CHRNA7: variants seen among roughly 807,000 people sequenced by gnomAD.
CHRNA7 encodes the protein neuronal acetylcholine receptor subunit alpha-7.
In CHRNA7, 17 loss-of-function variants were observed where a neutral mutation model predicts 48.0. That is an observed-to-expected ratio of 0.35 (90% CI 0.24 to 0.53). The LOEUF (loss-of-function observed/expected upper bound fraction) is 0.53. CHRNA7 is among the 20% of genes least tolerant of loss of function. The probability of loss-of-function intolerance (pLI) is 0.92; values close to 1 mark genes in which losing one functional copy is unlikely to be tolerated. For synonymous variants in CHRNA7, 75 were observed against 242.3 expected (o/e 0.31, Z 6.41); for missense variants, 155 against 577.7 (o/e 0.27, Z 7.50).
At chr15:32,030,871 C>T (rs1458357367) in intron 1 of CHRNA7, 27 bp from the exon 2 acceptor site, 2 of 1,610,834 alleles carry the variant, frequency 1.2e-6, no homozygotes, top group South Asian at 1.1e-5. Flanking sequence ...TGCCCTGAGC[C>T]CCCTGCCCGG....
intron 4 of CHRNA7, among the ~76,000 whole-genome samples, chr15:32,143,178 A>T (rs1473330193): frequency 6.6e-6 from 1 of 152,054 alleles, no homozygotes; most frequent in Non-Finnish European, 1.5e-5. Context: ...TTCGTTATTT[A>T]CCCAGTAGTC....
chr15:32,079,021 C>T (rs1009989404), intron 2 of CHRNA7, among the ~76,000 whole-genome samples: 7 of 152,108 alleles, frequency 4.6e-5, no homozygotes, highest in East Asian at 1.9e-4. Flanking sequence ...AAATGTAGTT[C>T]GTCACATACA....
chr15:32,058,664 T>C (rs1243528145), intron 2 of CHRNA7, among the ~76,000 whole-genome samples: 1 of 152,206 alleles, frequency 6.6e-6, no homozygotes, highest in African/African-American at 2.4e-5. Flanking sequence ...ATTTCAGAAA[T>C]GCCACTCTTT....
At chr15:32,076,326 T>A (rs1309325654) in intron 2 of CHRNA7, among the ~76,000 whole-genome samples, 6 of 152,180 alleles carry the variant, frequency 3.9e-5, no homozygotes, top group African/African-American at 1.4e-4. Context: ...AGTTTTGTCA[T>A]CTATGTGTTT....
At chr15:32,031,588 G>A (rs1320361065) in intron 2 of CHRNA7, among the ~76,000 whole-genome samples, 1 of 152,194 alleles carries the variant, frequency 6.6e-6, no homozygotes, top group Non-Finnish European at 1.5e-5. Context: ...TGCCTTCCTG[G>A]TGAGGACAGG....
chr15:32,041,747 C>T (rs1566796043), intron 2 of CHRNA7, among the ~76,000 whole-genome samples: 2 of 152,262 alleles, frequency 1.3e-5, no homozygotes, highest in Non-Finnish European at 2.9e-5. Context: ...TGATATTCCT[C>T]ATACTAGGGA....
At position 32,030,516 on chromosome 15, in the gene CHRNA7, C is replaced by G. The variant is rs986291354; in HGVS notation, c.-79C>G. On this transcript the variant is annotated 5_prime_UTR_variant, in exon 1 of 10. Coordinates refer to ENST00000306901, the MANE Select transcript of CHRNA7 (RefSeq NM_000746.6). ...GGCGCGCGAGCCGAGCGGCGAGGTG[C>G]CTCTGTGGCCGCAGGCGCAGGCCCG... The G allele has an allele frequency of 1.5e-4, 202 of 1,310,816 alleles. No individual in the cohort carries two copies. Among genetic ancestry groups the G allele is most frequent in the Middle Eastern group, 2.8e-4 (1 of 3,538 alleles). The allele number at this position is 1,310,816 out of a possible 1,614,324, so 81.2% of individuals were successfully genotyped here.
At chr15:32,078,673 A>T (rs2050170939) in intron 2 of CHRNA7, among the ~76,000 whole-genome samples, 1 of 151,506 alleles carries the variant, frequency 6.6e-6, no homozygotes, top group Non-Finnish European at 1.5e-5. Flanking sequence ...AAAAAAAAAA[A>T]AAAAAAGCCC....
In CHRNA7 at chr15:32,123,233, C is replaced by T. The variant is rs1030252709; in HGVS notation, c.350+11334C>T. ...AAGAAGTAGAAGAAGTAACAGCAGA[C>T]GTTTGGTGTCGGCCTTCTTTGGTTC... On this transcript the variant is annotated intron_variant, in intron 4 of 9. Transcript: ENST00000306901. Among the ~76,000 whole-genome samples the T allele has an allele frequency of 3.3e-5, 5 of 152,124 alleles. No individual in the cohort carries two copies. In the East Asian group the frequency reaches 5.8e-4, roughly 18 times the overall value.
rs1436962004 is a variant in CHRNA7 at position 32,170,439 on chromosome 15, T to TCTG, written c.*1981_*1982insCTG. 2.0e-5 allele frequency: 3 copies of TCTG among 152,022 alleles called. 1 individual carries two copies. Among genetic ancestry groups the TCTG allele is most frequent in the African/African-American group, 4.9e-5 (2 of 41,002 alleles). The allele number at this position is 152,022 out of a possible 1,614,324, so 9.4% of individuals were successfully genotyped here. A position where few individuals can be genotyped will look rare whatever the true frequency, so the allele number is the denominator to read the frequency against. ...ACAAGATTTTCGGTTTTTTTTTTTT[T>TCTG]TTCTGTTACAGTGTCTTTAGAAACA... On this transcript the variant is annotated 3_prime_UTR_variant, in exon 10 of 10. Transcript: ENST00000306901.
In CHRNA7 at chr15:32,034,492, T is replaced by G. The variant is rs77098130; in HGVS notation, c.195+3455T>G. ...TACAAGGGGGAGGCTATGATTTTTC[T>G]TTGGTAGGAGGTGCTAGATGAGTGT... is the stretch of plus-strand genomic sequence containing the variant. On this transcript the variant is annotated intron_variant, in intron 2 of 9. Transcript: ENST00000306901. 1.1e-3 allele frequency among the ~76,000 whole-genome samples: 172 copies of G among 152,254 alleles called. 3 individuals are homozygous for G. In the East Asian group the frequency reaches 0.027, roughly 24 times the overall value.
chr15:32,059,859 A>G (rs76069033), intron 2 of CHRNA7, among the ~76,000 whole-genome samples: 2,771 of 142,788 alleles, frequency 0.019, 82 homozygotes, highest in African/African-American at 0.067. Context: ...AAGGCTATTT[A>G]GGACATTACA....
At chr15:32,064,406 T>G (rs930819273) in intron 2 of CHRNA7, among the ~76,000 whole-genome samples, 41 of 152,164 alleles carry the variant, frequency 2.7e-4, no homozygotes, top group African/African-American at 9.4e-4. Flanking sequence ...ATCTGTTGTT[T>G]ATTTTGGTCT....
intron 4 of CHRNA7, among the ~76,000 whole-genome samples, chr15:32,144,175 T>C (rs1052853113): frequency 5.3e-5 from 8 of 152,232 alleles, no homozygotes; most frequent in Admixed American, 4.6e-4. Flanking sequence ...CCTTCACTTA[T>C]GAAGCTTGGT....
chr15:32,079,866 G>A (rs548468897), intron 2 of CHRNA7, among the ~76,000 whole-genome samples: 3 of 151,404 alleles, frequency 2.0e-5, no homozygotes, highest in South Asian at 4.2e-4. Context: ...AAAGAACAAA[G>A]CTGGAGCAGC....
At chr15:32,152,760 T>C (rs553436335) in intron 4 of CHRNA7, among the ~76,000 whole-genome samples, 1 of 152,074 alleles carries the variant, frequency 6.6e-6, no homozygotes, top group African/African-American at 2.4e-5. Flanking sequence ...TCTGGATTGA[T>C]TGATTTGTGT....
At chr15:32,141,982 A>T (rs1238571947) in intron 4 of CHRNA7, among the ~76,000 whole-genome samples, 1 of 152,198 alleles carries the variant, frequency 6.6e-6, no homozygotes, top group African/African-American at 2.4e-5. Context: ...TGAAGAGGGC[A>T]TCCTTGTCTT....
chr15:32,153,118 G>A (rs1244135540), intron 4 of CHRNA7, among the ~76,000 whole-genome samples: 2 of 152,106 alleles, frequency 1.3e-5, no homozygotes, highest in African/African-American at 4.8e-5. Flanking sequence ...CTGCAGTTCA[G>A]TCATTCAAGA....
intron 4 of CHRNA7, among the ~76,000 whole-genome samples, chr15:32,127,349 A>G (rs776458658): frequency 5.3e-5 from 8 of 152,196 alleles, no homozygotes; most frequent in African/African-American, 9.6e-5. Flanking sequence ...CGCAATTGTT[A>G]GGTTGTATAA....
Sources: allele counts gnomAD v4.1 joint callset (sites outside exome capture counted in the v4.1 genomes callset), GRCh38; gene constraint gnomAD v4.1.1; transcripts MANE v1.5; gene names NCBI Gene and HGNC (gene_info 2026-07-23, HGNC 2026-07-21).